The following PTPN6 variants were observed in gnomAD, a reference collection of about 807,000 sequenced individuals.
PTPN6 encodes the protein protein tyrosine phosphatase non-receptor type 6.
In PTPN6, 18 loss-of-function variants were observed where a neutral mutation model predicts 81.5. That is an observed-to-expected ratio of 0.22 (90% confidence interval 0.15 to 0.33). The LOEUF is 0.33. Ranked by LOEUF, PTPN6 falls within the 10% of genes least tolerant of loss-of-function variation. PTPN6 has a pLI of 1.00. For synonymous variants in PTPN6, 301 were observed against 310.9 expected, an observed-to-expected ratio of 0.97 and a Z score of 0.33; for missense variants, 500 against 794.2, an observed-to-expected ratio of 0.63 and a Z score of 4.45.
Position 6,959,570 on chromosome 12 carries a change from G to C in PTPN6, c.1362-357G>C. 2.1e-6 allele frequency: 1 copy of C among 476,818 alleles called. No homozygotes were observed. The highest frequency in any genetic ancestry group is 3.8e-6 in the Non-Finnish European group (1 of 261,162). 29.5% of individuals were successfully genotyped at this position (476,818 alleles called of 1,614,324 possible). A position where few individuals can be genotyped will look rare whatever the true frequency, so the allele number is the denominator to read the frequency against. ...CATAACTCCTTCAGGGAGAGGCGGG[G>C]AGGGCTCAGGGTACCTGGGAGCCGG... On this transcript the variant is annotated intron_variant, in intron 11 of 15. Transcript: ENST00000318974. The surrounding 1 kb of genome is among the most constrained non-coding windows in gnomAD (Gnocchi z 6.6).
Position 6,960,604 on chromosome 12 carries a change from G to A in PTPN6, c.1673+169G>A, listed in dbSNP as rs1555149715. The A allele has an allele frequency of 6.7e-6, 10 of 1,482,770 alleles. No homozygotes were observed. Among genetic ancestry groups the A allele is most frequent in the African/African-American group, 1.4e-5 (1 of 71,482 alleles). 91.9% of individuals were successfully genotyped at this position (1,482,770 alleles called of 1,614,324 possible). ...GCATTTCCTGAGTGCCCACACGTGT[G>A]GGCCTCTGCTAGGTACCAGCAGCGC... On this transcript the variant is annotated intron_variant, in intron 14 of 15. Coordinates refer to ENST00000318974, the MANE Select transcript of PTPN6 (RefSeq NM_002831.6). The surrounding 1 kb of genome is among the most constrained non-coding windows in gnomAD (Gnocchi z 6.1).
At chr12:6,946,800 T>A (rs374170336), upstream of PTPN6, 47 of 1,516,830 alleles carry the variant, frequency 3.1e-5, no homozygotes, top group Middle Eastern at 5.1e-4. Context: ...AGGGAGGGCT[T>A]TGTTGATGCT....
In PTPN6 at chr12:6,952,866, T is replaced by G. The variant is rs1482001487; in HGVS notation, c.326+689T>G. The G allele has an allele frequency of 3.9e-5, 6 of 154,296 alleles. No homozygotes were observed. The highest frequency in any genetic ancestry group is 1.4e-4 in the African/African-American group (6 of 41,418). 9.6% of individuals were successfully genotyped at this position (154,296 alleles called of 1,614,324 possible). On this transcript the variant is annotated intron_variant, in intron 3 of 15. Transcript: ENST00000318974. This position sits in a 1 kb window ranked among gnomAD's most constrained non-coding sequence, Gnocchi z 8.1. The stretch of plus-strand genomic sequence containing the variant: ...TGGGCTGGGGGCTGGGGGCTCTGAA[T>G]GCTCCTCATGACACCATGGCTCCTT...
At position 6,952,413 on chromosome 12, in the gene PTPN6, G is replaced by A. The variant is rs901249175; in HGVS notation, c.326+236G>A. On this transcript the variant is annotated intron_variant, in intron 3 of 15. Coordinates refer to ENST00000318974, the MANE Select transcript of PTPN6 (RefSeq NM_002831.6). The surrounding 1 kb of genome is among the most constrained non-coding windows in gnomAD (Gnocchi z 8.1). Reference sequence around the variant, plus strand: ...CGAGGAAGCCACAGAAAGCTGCCTCGCCCTACTCCGGGAGCCCTGGCCGCT... The same window carrying A: ...CGAGGAAGCCACAGAAAGCTGCCTCACCCTACTCCGGGAGCCCTGGCCGCT... The A allele has an allele frequency of 1.4e-5, 8 of 592,480 alleles. No homozygotes were observed. Among genetic ancestry groups the A allele is most frequent in the Non-Finnish European group, 2.1e-5 (7 of 335,552 alleles). The allele number at this position is 592,480 out of a possible 1,614,324, so 36.7% of individuals were successfully genotyped here. A position where few individuals can be genotyped will look rare whatever the true frequency, so the allele number is the denominator to read the frequency against.
chr12:6,952,516 A>C lies in PTPN6; in HGVS notation c.326+339A>C. Reference sequence around the variant, plus strand: ...CGTGCAGGCCAGCTCTGTTGTTAGAAAGCTCTTCTTCCTCTGGAATCGAGC... The same window carrying C: ...CGTGCAGGCCAGCTCTGTTGTTAGACAGCTCTTCTTCCTCTGGAATCGAGC... On this transcript the variant is annotated intron_variant, in intron 3 of 15. Coordinates refer to ENST00000318974, the MANE Select transcript of PTPN6 (RefSeq NM_002831.6). The surrounding 1 kb of genome is among the most constrained non-coding windows in gnomAD (Gnocchi z 8.1). 2.5e-6 allele frequency: 1 copy of C among 406,552 alleles called. No individual in the cohort carries two copies. 25.2% of individuals were successfully genotyped at this position (406,552 alleles called of 1,614,324 possible). A position where few individuals can be genotyped will look rare whatever the true frequency, so the allele number is the denominator to read the frequency against.
chr12:6,957,882 GAGA>G lies in PTPN6; in HGVS notation c.1207-36_1207-34del. ...GGGTGAGATGGATGAGGTGTTCCGAGAGAGGAGGGGGCACTGACCCTATGTCCT... is the reference window on the plus strand; with the variant it reads ...GGGTGAGATGGATGAGGTGTTCCGAGGGAGGGGGCACTGACCCTATGTCCT... On this transcript the variant is annotated intron_variant, in intron 10 of 15. Coordinates refer to ENST00000318974, the MANE Select transcript of PTPN6 (RefSeq NM_002831.6). This position sits in a 1 kb window ranked among gnomAD's most constrained non-coding sequence, Gnocchi z 6.5. The G allele has an allele frequency of 6.2e-7, 1 of 1,614,026 alleles. No homozygotes were observed. Among genetic ancestry groups the G allele is most frequent in the Non-Finnish European group, 8.5e-7 (1 of 1,180,024 alleles).
At chr12:6,949,266 C>T (rs1255775086), upstream of PTPN6, among the ~76,000 whole-genome samples, 4 of 152,232 alleles carry the variant, frequency 2.6e-5, no homozygotes, top group Non-Finnish European at 5.9e-5. Context: ...CAACTTTGCT[C>T]CAGCCACATG....
In PTPN6 at chr12:6,955,710, G is replaced by A; in HGVS notation, c.798G>A (p.Gln266=). The stretch of plus-strand genomic sequence containing the variant: ...ACTTGCACCAGCGTCTGGAAGGGCA[G>A]CGGCCAGAGAACAAGGGCAAGAACC... ...VKNLHQRLEG[Q]RPENKGKNRY... is the part of the protein sequence containing the mutation. The change falls in exon 7 of 16, where the codon CAG becomes CAA. Residue 266 remains glutamine (Q), a synonymous_variant. Transcript: ENST00000318974. This position sits in a 1 kb window ranked among gnomAD's most constrained non-coding sequence, Gnocchi z 7.2. 1 of 1,614,046 alleles carries A rather than the reference G, an allele frequency of 6.2e-7. No individual in the cohort carries two copies. The highest frequency in any genetic ancestry group is 1.1e-5 in the South Asian group (1 of 91,074).
chr12:6,959,914 C>T lies in PTPN6; in HGVS notation c.1362-13C>T, dbSNP rs140518343. 439 of 1,610,892 alleles carry T rather than the reference C, an allele frequency of 2.7e-4. 4 individuals are homozygous for T. In the East Asian group the frequency reaches 9.3e-3, roughly 34 times the overall value. ...CTTGACTGGCCTCTGATGGCACCCCCGTCTTTCCCCAGCGCCGGCATCGGC... is the reference window on the plus strand; with the variant it reads ...CTTGACTGGCCTCTGATGGCACCCCTGTCTTTCCCCAGCGCCGGCATCGGC... On this transcript the variant is annotated splice_polypyrimidine_tract_variant and intron_variant, in intron 11 of 15. Coordinates refer to ENST00000318974, the MANE Select transcript of PTPN6 (RefSeq NM_002831.6). This position sits in a 1 kb window ranked among gnomAD's most constrained non-coding sequence, Gnocchi z 6.6.
rs1946058336 is a variant in PTPN6, at chr12:6,957,798, C to T, written c.1206+13C>T. 2 of 1,614,014 alleles carry T rather than the reference C, an allele frequency of 1.2e-6. No homozygotes were observed. Among genetic ancestry groups the T allele is most frequent in the Admixed American group, 1.7e-5 (1 of 60,012 alleles). ...CCCGCTGGACAATGTGAGTGGCCCC[C>T]ACGCCCTGCCCCATTCCGGGAGTCC... On this transcript the variant is annotated intron_variant, in intron 10 of 15. Transcript: ENST00000318974. This position sits in a 1 kb window ranked among gnomAD's most constrained non-coding sequence, Gnocchi z 6.5.
In PTPN6 at chr12:6,959,550, C is replaced by A. The variant is rs1019724754; in HGVS notation, c.1362-377C>A. The stretch of plus-strand genomic sequence containing the variant: ...AGCCATGCTGAGAGACGCTCCATAA[C>A]TCCTTCAGGGAGAGGCGGGGAGGGC... On this transcript the variant is annotated intron_variant, in intron 11 of 15. Transcript: ENST00000318974. This position sits in a 1 kb window ranked among gnomAD's most constrained non-coding sequence, Gnocchi z 6.6. 9.3e-6 allele frequency: 4 copies of A among 431,048 alleles called. No homozygotes were observed. The highest frequency in any genetic ancestry group is 1.7e-5 in the Non-Finnish European group (4 of 233,422). The allele number at this position is 431,048 out of a possible 1,614,324, so 26.7% of individuals were successfully genotyped here.
Position 6,955,448 on chromosome 12 carries a change from A to T in PTPN6, c.710A>T (p.Glu237Val). 1.9e-6 allele frequency: 3 copies of T among 1,614,116 alleles called. No individual in the cohort carries two copies. The highest frequency in any genetic ancestry group is 2.5e-6 in the Non-Finnish European group (3 of 1,179,998). ...VLELNKKQES[E>V]DTAKAGFWEE... ...GAACTGAACAAGAAGCAGGAGTCCG[A>T]GGATACAGCCAAGGCTGGCTTCTGG... is the stretch of plus-strand genomic sequence containing the variant. The change falls in exon 6 of 16, where the codon GAG (glutamate) becomes GTG (valine). Residue 237 changes from glutamate to valine, a missense_variant. Transcript: ENST00000318974. The surrounding 1 kb of genome is among the most constrained non-coding windows in gnomAD (Gnocchi z 7.2).
Position 6,956,581 on chromosome 12 carries a change from C to G in PTPN6, c.1074+13C>G. On this transcript the variant is annotated intron_variant, in intron 9 of 15. Transcript: ENST00000318974. The surrounding 1 kb of genome is among the most constrained non-coding windows in gnomAD (Gnocchi z 4.1). ...GGAGAAAGGCCGGGTAGGGCGCCCC[C>G]CCTTCCCCGCATCCGCCCCCGTGCT... 1 of 1,613,244 alleles carries G rather than the reference C, an allele frequency of 6.2e-7. No homozygotes were observed. The highest frequency in any genetic ancestry group is 8.5e-7 in the Non-Finnish European group (1 of 1,179,960).
At chr12:6,951,224 G>A (rs148834158), upstream of PTPN6, 508 of 1,418,760 alleles carry the variant, frequency 3.6e-4, 1 homozygote, top group Non-Finnish European at 4.3e-4. This position sits in a 1 kb window ranked among gnomAD's most constrained non-coding sequence, Gnocchi z 7.2. Context: ...AGTGGGCCCC[G>A]TCCCCACCCC....
rs901845989 is a variant in PTPN6, at chr12:6,961,059, C to T, written c.*26-67C>T. The T allele has an allele frequency of 4.7e-6, 7 of 1,485,634 alleles. No homozygotes were observed. In the African/African-American group the frequency reaches 8.4e-5, roughly 18 times the overall value. 92.0% of individuals were successfully genotyped at this position (1,485,634 alleles called of 1,614,324 possible). On this transcript the variant is annotated intron_variant, in intron 15 of 15. Coordinates refer to ENST00000318974, the MANE Select transcript of PTPN6 (RefSeq NM_002831.6). Reference sequence around the variant, plus strand: ...CTCATTCTGTGCTTCCCAGCTGCCCCAGACCCTCTTGTTCCACCTCCAGGT... The same window carrying T: ...CTCATTCTGTGCTTCCCAGCTGCCCTAGACCCTCTTGTTCCACCTCCAGGT...
In PTPN6 at chr12:6,957,513, T is replaced by C; in HGVS notation, c.1075-141T>C. ...GGTTGATCTGAGACGAGAGCCCAGG[T>C]CTCCTGCCTCTCTGCCAGCCCATCC... On this transcript the variant is annotated intron_variant, in intron 9 of 15. Coordinates refer to ENST00000318974, the MANE Select transcript of PTPN6 (RefSeq NM_002831.6). The surrounding 1 kb of genome is among the most constrained non-coding windows in gnomAD (Gnocchi z 6.5). 8.8e-7 allele frequency: 1 copy of C among 1,135,746 alleles called. No homozygotes were observed. Among genetic ancestry groups the C allele is most frequent in the Non-Finnish European group, 1.3e-6 (1 of 790,426 alleles). 70.4% of individuals were successfully genotyped at this position (1,135,746 alleles called of 1,614,324 possible). A position where few individuals can be genotyped will look rare whatever the true frequency, so the allele number is the denominator to read the frequency against.
chr12:6,957,525 C>A lies in PTPN6; in HGVS notation c.1075-129C>A. 1 of 1,290,854 alleles carries A rather than the reference C, an allele frequency of 7.7e-7. No individual in the cohort carries two copies. The highest frequency in any genetic ancestry group is 1.1e-6 in the Non-Finnish European group (1 of 927,326). The allele number at this position is 1,290,854 out of a possible 1,614,324, so 80.0% of individuals were successfully genotyped here. On this transcript the variant is annotated intron_variant, in intron 9 of 15. Transcript: ENST00000318974. This position sits in a 1 kb window ranked among gnomAD's most constrained non-coding sequence, Gnocchi z 6.5. ...ACGAGAGCCCAGGTCTCCTGCCTCTCTGCCAGCCCATCCGTCCATCCAACA... is the reference window on the plus strand; with the variant it reads ...ACGAGAGCCCAGGTCTCCTGCCTCTATGCCAGCCCATCCGTCCATCCAACA...
chr12:6,959,862 G>T lies in PTPN6; in HGVS notation c.1362-65G>T. 1 of 1,560,570 alleles carries T rather than the reference G, an allele frequency of 6.4e-7. No individual in the cohort carries two copies. Among genetic ancestry groups the T allele is most frequent in the Non-Finnish European group, 8.8e-7 (1 of 1,135,908 alleles). Reference sequence around the variant, plus strand: ...GTGGTGCCTGGGGCTGGAGCTGAGCGCTGGGTACCCCCCTTCCCGGGGAGG... The same window carrying T: ...GTGGTGCCTGGGGCTGGAGCTGAGCTCTGGGTACCCCCCTTCCCGGGGAGG... On this transcript the variant is annotated intron_variant, in intron 11 of 15. Coordinates refer to ENST00000318974, the MANE Select transcript of PTPN6 (RefSeq NM_002831.6). This position sits in a 1 kb window ranked among gnomAD's most constrained non-coding sequence, Gnocchi z 6.6.
At position 6,952,213 on chromosome 12, in the gene PTPN6, G is replaced by T; in HGVS notation, c.326+36G>T. 3 of 1,611,324 alleles carry T rather than the reference G, an allele frequency of 1.9e-6. No individual in the cohort carries two copies. The highest frequency in any genetic ancestry group is 2.5e-6 in the Non-Finnish European group (3 of 1,179,024). ...CGCACCCCCGCCATTCCCAAGCAGGGATGAGCCGGCTCCCACCCTGAACAG... is the reference window on the plus strand; with the variant it reads ...CGCACCCCCGCCATTCCCAAGCAGGTATGAGCCGGCTCCCACCCTGAACAG... On this transcript the variant is annotated intron_variant, in intron 3 of 15. Coordinates refer to ENST00000318974, the MANE Select transcript of PTPN6 (RefSeq NM_002831.6). The surrounding 1 kb of genome is among the most constrained non-coding windows in gnomAD (Gnocchi z 8.1).
Sources: allele counts gnomAD v4.1 joint callset (sites outside exome capture counted in the v4.1 genomes callset), GRCh38; gene constraint gnomAD v4.1.1; non-coding constraint Gnocchi (gnomAD v3.1); transcripts MANE v1.5; gene names NCBI Gene and HGNC (gene_info 2026-07-23, HGNC 2026-07-21).